KANSL1L: variants seen among roughly 807,000 people sequenced by gnomAD.
The protein encoded by KANSL1L is KAT8 regulatory NSL complex subunit 1 like.
KANSL1L carries 25 observed loss-of-function variants against 108.6 expected under a neutral mutation model. That is an observed-to-expected ratio of 0.23 (90% CI 0.17 to 0.32). KANSL1L has a LOEUF of 0.32. KANSL1L is among the 10% of genes least tolerant of loss of function. The pLI, the probability that KANSL1L is intolerant of heterozygous loss-of-function variation, is 1.00. For synonymous variants in KANSL1L, 405 were observed against 395.1 expected, an observed-to-expected ratio of 1.03 and a Z score of -0.30; for missense variants, 1,137 against 1,125.7, an observed-to-expected ratio of 1.01 and a Z score of -0.14.
intron 6 of KANSL1L, among the ~76,000 whole-genome samples, chr2:210,074,226 T>C (rs2094527099): frequency 6.6e-6 from 1 of 152,182 alleles, no homozygotes; most frequent in South Asian, 2.1e-4. Flanking sequence ...TTTGTTCCAA[T>C]TATTCACTTA....
intron 6 of KANSL1L, among the ~76,000 whole-genome samples, chr2:210,061,743 T>C (rs1227759650): frequency 6.6e-6 from 1 of 152,184 alleles, no homozygotes; most frequent in Non-Finnish European, 1.5e-5. Context: ...ATGATTCTCT[T>C]AGAATAAGAA....
intron 3 of KANSL1L, among the ~76,000 whole-genome samples, chr2:210,107,629 C>T (rs1285492171): frequency 5.3e-5 from 8 of 151,532 alleles, no homozygotes; most frequent in Non-Finnish European, 2.9e-5. Flanking sequence ...CCCGGGTTCA[C>T]GCCATTCTCC....
At chr2:210,034,595 C>A (rs757682163) in intron 8 of KANSL1L, among the ~76,000 whole-genome samples, 9 of 152,058 alleles carry the variant, frequency 5.9e-5, no homozygotes, top group Non-Finnish European at 8.8e-5. Flanking sequence ...TTGAGGAGGT[C>A]ACTGCCTACA....
chr2:210,146,074 C>T (rs1460006987), intron 2 of KANSL1L, among the ~76,000 whole-genome samples: 1 of 152,028 alleles, frequency 6.6e-6, no homozygotes, highest in Non-Finnish European at 1.5e-5. Flanking sequence ...ACCTCAATGG[C>T]AAAAGATACT....
At chr2:210,058,103 A>G (rs1453932817) in intron 6 of KANSL1L, among the ~76,000 whole-genome samples, 12 of 152,176 alleles carry the variant, frequency 7.9e-5, no homozygotes, top group Admixed American at 5.9e-4. Flanking sequence ...TCAAAAGCAA[A>G]TGGGAGAAAT....
At chr2:210,133,033 T>C (rs145600243) in intron 2 of KANSL1L, among the ~76,000 whole-genome samples, 3,014 of 152,266 alleles carry the variant, frequency 0.02, 53 homozygotes, top group Non-Finnish European at 0.029. Context: ...TGGTCATTTG[T>C]GTCTTTTAAG....
At chr2:210,149,063 C>T (rs781515816) in intron 2 of KANSL1L, among the ~76,000 whole-genome samples, 10 of 151,874 alleles carry the variant, frequency 6.6e-5, no homozygotes, top group Non-Finnish European at 8.8e-5. Flanking sequence ...GGGTCTATGA[C>T]GTACAAGATA....
chr2:210,150,014 TAAAAC>T (rs1271879863), intron 2 of KANSL1L, among the ~76,000 whole-genome samples: 1 of 152,118 alleles, frequency 6.6e-6, no homozygotes, highest in Non-Finnish European at 1.5e-5. Context: ...AGTTTAACCT[TAAAAC>T]AAAGTTTATG....
In KANSL1L at chr2:210,171,384, G is replaced by C. The variant is rs1688331224; in HGVS notation, c.-265C>G. 1 of 170,206 alleles carries C rather than the reference G, an allele frequency of 5.9e-6. No homozygotes were observed. Among genetic ancestry groups the C allele is most frequent in the Non-Finnish European group, 1.2e-5 (1 of 82,246 alleles). The allele number at this position is 170,206 out of a possible 1,614,324, so 10.5% of individuals were successfully genotyped here. A position where few individuals can be genotyped will look rare whatever the true frequency, so the allele number is the denominator to read the frequency against. ...CGCTGCCCGCAGCTCCGTGCGGCTC[G>C]GGGGGACGGAACCCTGCCGCGGTCT... On this transcript the variant is annotated 5_prime_UTR_variant, in exon 1 of 15. Transcript: ENST00000281772.
intron 2 of KANSL1L, among the ~76,000 whole-genome samples, chr2:210,149,251 T>C (rs1353265961): frequency 6.6e-6 from 1 of 152,118 alleles, no homozygotes; most frequent in Non-Finnish European, 1.5e-5. Context: ...GAAATAGTCA[T>C]TCACTCACTC....
chr2:210,103,279 T>C (rs1056920256), intron 4 of KANSL1L, among the ~76,000 whole-genome samples: 10 of 150,388 alleles, frequency 6.6e-5, no homozygotes, highest in African/African-American at 2.5e-4. Context: ...AGAAGAACAC[T>C]TGGACACAGG....
At chr2:210,127,761 T>C (rs2125535135) in intron 3 of KANSL1L, among the ~76,000 whole-genome samples, 1 of 115,862 alleles carries the variant, frequency 8.6e-6, no homozygotes, top group Admixed American at 1.3e-4. Context: ...ATCACACTAC[T>C]GCACTCCAGC....
intron 12 of KANSL1L, among the ~76,000 whole-genome samples, chr2:210,026,749 A>C (rs528686282): frequency 6.6e-5 from 10 of 152,150 alleles, no homozygotes; most frequent in Non-Finnish European, 1.0e-4. Flanking sequence ...AAAAACTCAT[A>C]AACAAATGCT....
In KANSL1L at chr2:210,023,006, T is replaced by C; in HGVS notation, c.2907A>G (p.Gly969=). 1 of 1,614,002 alleles carries C rather than the reference T, an allele frequency of 6.2e-7. No homozygotes were observed. Among genetic ancestry groups the C allele is most frequent in the Non-Finnish European group, 8.5e-7 (1 of 1,179,934 alleles). The change falls in exon 15 of 15, where the codon GGA becomes GGG. Residue 969 remains glycine (G), a synonymous_variant. Coordinates refer to ENST00000281772, the MANE Select transcript of KANSL1L (RefSeq NM_152519.4). ...GACCAAAGGTTTTGTATTCTTCCAT[T>C]CCATCTGACTGCTTTTTTGGATGGT... ...NGHHPKKQSD[G]MEEYKTFGLG...
In KANSL1L at chr2:210,141,195, TTTTTC is replaced by T. The variant is rs1454221959; in HGVS notation, c.1089-12028_1089-12024del. Among the ~76,000 whole-genome samples the T allele has an allele frequency of 7.9e-5, 10 of 126,402 alleles. No homozygotes were observed. The East Asian group carries it at 1.9e-3, about 25-fold the overall frequency. The allele number at this position is 126,402 out of a possible 152,430, so 82.9% of individuals were successfully genotyped here. On this transcript the variant is annotated intron_variant, in intron 2 of 14. Transcript: ENST00000281772. ...TTTCTTTTCTTTCTCTCCCTTTCTC[TTTTTC>T]TTTTTTCTTTTCTTTCCTTTTTCTC... is the stretch of plus-strand genomic sequence containing the variant.
At chr2:210,102,613 T>C (rs927058799) in intron 4 of KANSL1L, among the ~76,000 whole-genome samples, 2 of 151,912 alleles carry the variant, frequency 1.3e-5, no homozygotes, top group African/African-American at 4.8e-5. Context: ...CTCAAACAAA[T>C]TTACGAGAAA....
At chr2:210,092,529 A>C (rs1226532091) in intron 5 of KANSL1L, among the ~76,000 whole-genome samples, 1 of 152,154 alleles carries the variant, frequency 6.6e-6, no homozygotes, top group East Asian at 1.9e-4. Context: ...AACTTGATAT[A>C]GTTTGTTCCC....
intron 3 of KANSL1L, among the ~76,000 whole-genome samples, chr2:210,124,709 A>C (rs2095050750): frequency 6.6e-6 from 1 of 152,112 alleles, no homozygotes; most frequent in Non-Finnish European, 1.5e-5. Context: ...TCAAAACTAA[A>C]AGTGGATTCT....
At chr2:210,079,650 A>ATATATATATGTATGTG (rs1553653253) in intron 5 of KANSL1L, among the ~76,000 whole-genome samples, 5 of 19,524 alleles carry the variant, frequency 2.6e-4, no homozygotes, top group Non-Finnish European at 3.6e-4. Context: ...ATATATATAT[A>ATATATATATGTATGTG]TATATATATA....
Sources: allele counts gnomAD v4.1 joint callset (sites outside exome capture counted in the v4.1 genomes callset), GRCh38; gene constraint gnomAD v4.1.1; transcripts MANE v1.5; gene names NCBI Gene and HGNC (gene_info 2026-07-23, HGNC 2026-07-21).